PPM1N: variants seen among roughly 807,000 people sequenced by gnomAD.
The protein encoded by PPM1N is probable protein phosphatase 1N.
Under a neutral mutation model 32.6 loss-of-function variants are expected in PPM1N, and 35 were observed. That is an observed-to-expected ratio of 1.07 (90% CI 0.82 to 1.43). The LOEUF (loss-of-function observed/expected upper bound fraction) is 1.43, where lower values mean the gene tolerates loss of function less well. Among genes scored for constraint, PPM1N ranks in the 40% most tolerant of loss-of-function variants. The pLI is 0.00. For missense variants in PPM1N, 648 were observed against 606.6 expected (o/e 1.07, Z -0.72); for synonymous variants, 275 against 270.5 (o/e 1.02, Z -0.16).
intron 4 of PPM1N, among the ~76,000 whole-genome samples, chr19:45,501,246 A>G (rs1211975717): frequency 1.3e-5 from 2 of 152,234 alleles, no homozygotes; most frequent in Non-Finnish European, 2.9e-5. Flanking sequence ...AGCAGATACC[A>G]TCAGGACATA....
At position 45,498,886 on chromosome 19, in the gene PPM1N, G is replaced by A; in HGVS notation, c.414G>A (p.Glu138=). 1 of 1,514,900 alleles carries A rather than the reference G, an allele frequency of 6.6e-7. No homozygotes were observed. The highest frequency in any genetic ancestry group is 8.8e-7 in the Non-Finnish European group (1 of 1,141,620). 93.8% of individuals were successfully genotyped at this position (1,514,900 alleles called of 1,614,324 possible). Residue 138 remains glutamate (E), a synonymous_variant, in exon 1 of 5, where the codon GAG becomes GAA. Transcript: ENST00000451287. ...PEPSEPEGVR[E]ALRRAFLSAD... is the part of the protein sequence containing the mutation. ...CTAGCGAGCCCGAGGGCGTGCGCGA[G>A]GCGCTGCGCCGAGCCTTCTTGAGCG... is the stretch of plus-strand genomic sequence containing the variant.
Position 45,500,708 on chromosome 19 carries a change from G to T in PPM1N, c.1222G>T (p.Glu408Ter). 1 of 1,597,904 alleles carries T rather than the reference G, an allele frequency of 6.3e-7. No homozygotes were observed. The highest frequency in any genetic ancestry group is 8.5e-7 in the Non-Finnish European group (1 of 1,172,410). ...CTGCCAGGTCTCAGAAGAGTGCGGA[G>T]AGGTAAGGATCCTGTGTTCTCCAGT... Reference protein sequence around the residue: ...QICQVSEECGEKGQDGAGKSN... With the variant: ...QICQVSEECG The change falls in exon 4 of 5, where the codon GAG becomes TAG. Residue 408 changes from glutamate to a stop codon, truncating the protein, a stop_gained and splice_region_variant. Coordinates refer to ENST00000451287, the MANE Select transcript of PPM1N (RefSeq NM_001080401.2). LOFTEE classifies it low-confidence loss of function (END_TRUNC).
At chr19:45,500,393 C>T in intron 2 of PPM1N, 63 bp from the exon 3 acceptor site, 1 of 1,462,864 alleles carries the variant, frequency 6.8e-7, no homozygotes, top group South Asian at 1.2e-5. Flanking sequence ...CCTTGGTCTC[C>T]CAAAGTGCTG....
At chr19:45,500,779 C>T in intron 4 of PPM1N, 69 bp downstream of exon 4, 1 of 1,258,050 alleles carries the variant, frequency 7.9e-7, no homozygotes. Flanking sequence ...CTCTTAGTGA[C>T]AGGGAAATTG....
rs538608791 is a variant in PPM1N at position 45,501,220 on chromosome 19, T to C, written c.1224+510T>C. ...TTCAGGGAATGCTAATGACCAATTCTAAGGCCTAGACGCACAGCAGATACC... is the reference window on the plus strand; with the variant it reads ...TTCAGGGAATGCTAATGACCAATTCCAAGGCCTAGACGCACAGCAGATACC... On this transcript the variant is annotated intron_variant, in intron 4 of 4. Transcript: ENST00000451287. 4.3e-4 allele frequency among the ~76,000 whole-genome samples: 65 copies of C among 152,344 alleles called. 1 individual carries two copies. Among genetic ancestry groups the C allele is most frequent in the Admixed American group, 1.7e-3 (26 of 15,304 alleles).
Position 45,499,155 on chromosome 19 carries a change from C to T in PPM1N, c.683C>T (p.Ala228Val). Residue 228 changes from alanine to valine, a missense_variant, in exon 1 of 5, where the codon GCC becomes GTC. Physicochemically the swap from Ala to Val is moderately conservative, Grantham distance 64. Transcript: ENST00000451287. ...IRRRRVEGSL[A>V]VSRALGDFTY... Reference sequence around the variant, plus strand: ...CGCCGCCGCGTCGAGGGCTCTCTGGCCGTGTCGCGAGCGTTGGGCGACTTT... The same window carrying T: ...CGCCGCCGCGTCGAGGGCTCTCTGGTCGTGTCGCGAGCGTTGGGCGACTTT... The T allele has an allele frequency of 6.5e-7, 1 of 1,527,202 alleles. No individual in the cohort carries two copies. Among genetic ancestry groups the T allele is most frequent in the Non-Finnish European group, 8.7e-7 (1 of 1,145,742 alleles). The allele number at this position is 1,527,202 out of a possible 1,614,324, so 94.6% of individuals were successfully genotyped here.
In PPM1N at chr19:45,502,394, A is replaced by T; in HGVS notation, c.*309A>T. ...AGAGCCGAACAGATTCTGAGAGATA[A>T]CCCAGTCCAATAACCTCTTTCCTTC... On this transcript the variant is annotated 3_prime_UTR_variant, in exon 5 of 5. Transcript: ENST00000451287. 1 of 513,944 alleles carries T rather than the reference A, an allele frequency of 1.9e-6. No homozygotes were observed. The highest frequency in any genetic ancestry group is 3.5e-5 in the East Asian group (1 of 28,894). 31.8% of individuals were successfully genotyped at this position (513,944 alleles called of 1,614,324 possible). A position where few individuals can be genotyped will look rare whatever the true frequency, so the allele number is the denominator to read the frequency against.
chr19:45,502,211 T>C lies in PPM1N; in HGVS notation c.*126T>C. The C allele has an allele frequency of 1.4e-6, 1 of 702,808 alleles. No homozygotes were observed. 43.5% of individuals were successfully genotyped at this position (702,808 alleles called of 1,614,324 possible). A position where few individuals can be genotyped will look rare whatever the true frequency, so the allele number is the denominator to read the frequency against. ...GGAAGGCCAATGTAGGAACCCAAAA[T>C]GCTTATTTCTTCTTCTCTTACTTCC... On this transcript the variant is annotated 3_prime_UTR_variant, in exon 5 of 5. Coordinates refer to ENST00000451287, the MANE Select transcript of PPM1N (RefSeq NM_001080401.2).
chr19:45,502,163 A>G lies in PPM1N; in HGVS notation c.*78A>G, dbSNP rs148133410. Reference sequence around the variant, plus strand: ...AAGAAGAAAACCGACCCTTTCCCCAACTACATGTACCAGCGGAAGGAAGGA... The same window carrying G: ...AAGAAGAAAACCGACCCTTTCCCCAGCTACATGTACCAGCGGAAGGAAGGA... On this transcript the variant is annotated 3_prime_UTR_variant, in exon 5 of 5. Transcript: ENST00000451287. 1.3e-3 allele frequency: 1,446 copies of G among 1,131,942 alleles called. 2 individuals carry two copies. Among genetic ancestry groups the G allele is most frequent in the Non-Finnish European group, 1.8e-3 (1,348 of 762,920 alleles). The allele number at this position is 1,131,942 out of a possible 1,614,324, so 70.1% of individuals were successfully genotyped here.
rs1968346411 is a variant in PPM1N at position 45,498,645 on chromosome 19, G to C, written c.173G>C (p.Gly58Ala). The change falls in exon 1 of 5, where the codon GGT (glycine) becomes GCT (alanine). Residue 58 changes from glycine (G) to alanine (A), a missense_variant. Gly to Ala is a moderately conservative substitution (Grantham distance 60, BLOSUM62 0). Coordinates refer to ENST00000451287, the MANE Select transcript of PPM1N (RefSeq NM_001080401.2). ...CGCCGCGCCCAGCGGCCGCACGGGG[G>C]TGCCGAGGCGTCTGGGGGCCTGCGC... ...APRRAQRPHG[G>A]AEASGGLRFG... 7.1e-7 allele frequency: 1 copy of C among 1,418,064 alleles called. No individual in the cohort carries two copies. 87.8% of individuals were successfully genotyped at this position (1,418,064 alleles called of 1,614,324 possible). A position where few individuals can be genotyped will look rare whatever the true frequency, so the allele number is the denominator to read the frequency against.
In PPM1N at chr19:45,499,368, C is replaced by T. The variant is rs768060161; in HGVS notation, c.896C>T (p.Pro299Leu). 3.1e-6 allele frequency: 5 copies of T among 1,609,262 alleles called. No individual in the cohort carries two copies. Residue 299 changes from proline (P) to leucine (L), a missense_variant, in exon 1 of 5, where the codon CCA becomes CTA. Physicochemically the swap from Pro to Leu is moderately conservative, Grantham distance 98. Transcript: ENST00000451287. ...VASRLRLGLA[P>L]ELLCAQLLDT... ...TCACGCCTCCGCTTGGGCCTGGCCC[C>T]AGAGCTTCTCTGCGCGCAGCTGTTG... is the stretch of plus-strand genomic sequence containing the variant.
Position 45,498,649 on chromosome 19 carries a change from C to G in PPM1N, c.177C>G (p.Ala59=). The change falls in exon 1 of 5, where the codon GCC becomes GCG. Residue 59 remains alanine (A), a synonymous_variant. Transcript: ENST00000451287. ...PRRAQRPHGG[A]EASGGLRFGA... is the part of the protein sequence containing the mutation. The stretch of plus-strand genomic sequence containing the variant: ...GCGCCCAGCGGCCGCACGGGGGTGC[C>G]GAGGCGTCTGGGGGCCTGCGCTTCG... 1.4e-6 allele frequency: 2 copies of G among 1,420,564 alleles called. No individual in the cohort carries two copies. The highest frequency in any genetic ancestry group is 1.8e-6 in the Non-Finnish European group (2 of 1,091,134). The allele number at this position is 1,420,564 out of a possible 1,614,324, so 88.0% of individuals were successfully genotyped here.
Position 45,499,377 on chromosome 19 carries a change from T to C in PPM1N, c.905T>C (p.Leu302Pro). 1 of 1,607,924 alleles carries C rather than the reference T, an allele frequency of 6.2e-7. No homozygotes were observed. The highest frequency in any genetic ancestry group is 8.5e-7 in the Non-Finnish European group (1 of 1,177,684). The stretch of plus-strand genomic sequence containing the variant: ...CGCTTGGGCCTGGCCCCAGAGCTTC[T>C]CTGCGCGCAGCTGTTGGACACGTGT... ...RLRLGLAPEL[L>P]CAQLLDTCLC... Residue 302 changes from leucine to proline, a missense_variant, in exon 1 of 5, where the codon CTC (leucine) becomes CCC (proline). Physicochemically the swap from Leu to Pro is moderately conservative, Grantham distance 98. Coordinates refer to ENST00000451287, the MANE Select transcript of PPM1N (RefSeq NM_001080401.2).
Position 45,498,815 on chromosome 19 carries a change from G to A in PPM1N, c.343G>A (p.Ala115Thr). 1.9e-6 allele frequency: 3 copies of A among 1,546,674 alleles called. No individual in the cohort carries two copies. The highest frequency in any genetic ancestry group is 1.7e-6 in the Non-Finnish European group (2 of 1,154,422). ...TGGGGCTCGAGCTGCCCGCTTCGGT[G>A]CACGCCATTTGCCAGGCCATGTGCT... ...HGGARAARFGARHLPGHVLQE... is the reference protein window; with the variant it reads ...HGGARAARFGTRHLPGHVLQE... Residue 115 changes from alanine (A) to threonine (T), a missense_variant, in exon 1 of 5, where the codon GCA becomes ACA. Transcript: ENST00000451287.
chr19:45,499,329 C>T lies in PPM1N; in HGVS notation c.857C>T (p.Ala286Val), dbSNP rs1204473383. The T allele has an allele frequency of 1.9e-6, 3 of 1,612,892 alleles. No homozygotes were observed. Among genetic ancestry groups the T allele is most frequent in the Admixed American group, 1.7e-5 (1 of 59,966 alleles). ...VWDTVSGAAL[A>V]GLVASRLRLG... ...GACACTGTGTCTGGTGCTGCCCTGGCGGGACTGGTGGCTTCACGCCTCCGC... is the reference window on the plus strand; with the variant it reads ...GACACTGTGTCTGGTGCTGCCCTGGTGGGACTGGTGGCTTCACGCCTCCGC... The change falls in exon 1 of 5, where the codon GCG (alanine) becomes GTG (valine). Residue 286 changes from alanine to valine, a missense_variant. Ala to Val is a moderately conservative substitution (Grantham distance 64, BLOSUM62 0). Transcript: ENST00000451287.
chr19:45,502,114 T>C lies in PPM1N; in HGVS notation c.*29T>C. 1 of 1,549,676 alleles carries C rather than the reference T, an allele frequency of 6.5e-7. No homozygotes were observed. Among genetic ancestry groups the C allele is most frequent in the Admixed American group, 1.8e-5 (1 of 54,896 alleles). ...CTGTTGTCCTTTGGGGATCCTTTGC[T>C]TCTCTGGGGCCTCAACAGAACTAAA... On this transcript the variant is annotated 3_prime_UTR_variant, in exon 5 of 5. Transcript: ENST00000451287.
At position 45,502,324 on chromosome 19, in the gene PPM1N, AAAAAAAAAAAC is replaced by A. The variant is rs1302737595; in HGVS notation, c.*247_*257del. 15 of 533,586 alleles carry A rather than the reference AAAAAAAAAAAC, an allele frequency of 2.8e-5. No homozygotes were observed. Among genetic ancestry groups the A allele is most frequent in the South Asian group, 9.5e-5 (4 of 42,206 alleles). 33.1% of individuals were successfully genotyped at this position (533,586 alleles called of 1,614,324 possible). ...GCCCAAATCGAAAAAAAAAAAAAAA[AAAAAAAAAAAC>A]AAAAAAACCCAACCAAATGTTTTTG... On this transcript the variant is annotated 3_prime_UTR_variant, in exon 5 of 5. Transcript: ENST00000451287.
chr19:45,502,392 T>G lies in PPM1N; in HGVS notation c.*307T>G, dbSNP rs1039684507. 18 of 513,370 alleles carry G rather than the reference T, an allele frequency of 3.5e-5. No individual in the cohort carries two copies. Among genetic ancestry groups the G allele is most frequent in the Non-Finnish European group, 5.3e-5 (16 of 302,874 alleles). The allele number at this position is 513,370 out of a possible 1,614,324, so 31.8% of individuals were successfully genotyped here. On this transcript the variant is annotated 3_prime_UTR_variant, in exon 5 of 5. Transcript: ENST00000451287. ...TCAGAGCCGAACAGATTCTGAGAGATAACCCAGTCCAATAACCTCTTTCCT... is the reference window on the plus strand; with the variant it reads ...TCAGAGCCGAACAGATTCTGAGAGAGAACCCAGTCCAATAACCTCTTTCCT...
In PPM1N at chr19:45,498,864, G is replaced by C; in HGVS notation, c.392G>C (p.Ser131Thr). The C allele has an allele frequency of 1.3e-6, 2 of 1,522,126 alleles. No individual in the cohort carries two copies. Among genetic ancestry groups the C allele is most frequent in the South Asian group, 1.2e-5 (1 of 81,002 alleles). The allele number at this position is 1,522,126 out of a possible 1,614,324, so 94.3% of individuals were successfully genotyped here. A position where few individuals can be genotyped will look rare whatever the true frequency, so the allele number is the denominator to read the frequency against. ...HVLQELGPEP[S>T]EPEGVREALR... is the part of the protein sequence containing the mutation. ...CTCCAGGAGCTGGGCCCGGAGCCTA[G>C]CGAGCCCGAGGGCGTGCGCGAGGCG... The change falls in exon 1 of 5, where the codon AGC becomes ACC. Residue 131 changes from serine to threonine, a missense_variant. Ser to Thr is a moderately conservative substitution (Grantham distance 58). Transcript: ENST00000451287.
Sources: gnomAD v4.1 joint callset for allele counts (sites outside exome capture counted in the v4.1 genomes callset) on GRCh38, gnomAD v4.1.1 for gene constraint, MANE v1.5 for transcripts, NCBI Gene and HGNC (gene_info 2026-07-23, HGNC 2026-07-21) for gene names.